Variants in KLHL18 observed in about 807,000 individuals in gnomAD.
KLHL18 encodes kelch-like protein 18.
In KLHL18, 38 loss-of-function variants were observed where a neutral mutation model predicts 58.5. That is an observed-to-expected ratio of 0.65 (90% CI 0.50 to 0.85). KLHL18 has a LOEUF of 0.85. KLHL18 is among the 40% of genes least tolerant of loss of function. The pLI, the probability that KLHL18 is intolerant of heterozygous loss-of-function variation, is 0.00. For missense variants in KLHL18, 624 were observed against 778.4 expected (o/e 0.80, Z 2.36); for synonymous variants, 303 against 301.9 (o/e 1.00, Z -0.04).
At chr3:47,293,023 C>T (rs1702823279) in intron 1 of KLHL18, among the ~76,000 whole-genome samples, 1 of 151,856 alleles carries the variant, frequency 6.6e-6, no homozygotes, top group South Asian at 2.1e-4. Context: ...TGAAATAAGC[C>T]AGTTACAAAA....
Position 47,342,816 on chromosome 3 carries a change from C to T in KLHL18, c.1324C>T (p.Gln442Ter). Residue 442 changes from glutamine (Q) to a stop codon, truncating the protein, a stop_gained, in exon 9 of 10, where the codon CAG (glutamine) becomes TAG (stop). Transcript: ENST00000232766. LOFTEE classifies it high-confidence loss of function. The part of the protein sequence containing the change: ...IYVSGGHDGL[Q>*]IFSSVEHYNH... ...TGTGTCAGGCGGCCATGATGGTTTG[C>T]AGATCTTCAGCAGTGTGAGTCTGGG... 1.2e-6 allele frequency: 2 copies of T among 1,613,488 alleles called. No individual in the cohort carries two copies. The highest frequency in any genetic ancestry group is 1.7e-6 in the Non-Finnish European group (2 of 1,179,410).
At chr3:47,321,454 A>G (rs886340897) in intron 2 of KLHL18, among the ~76,000 whole-genome samples, 1 of 151,722 alleles carries the variant, frequency 6.6e-6, no homozygotes, top group African/African-American at 2.4e-5. Flanking sequence ...GATTCAAGCG[A>G]TTCTTCTCCC....
Position 47,344,742 on chromosome 3 carries a change from G to A in KLHL18, c.*801G>A, listed in dbSNP as rs1438007686. 6.6e-6 allele frequency: 1 copy of A among 152,648 alleles called. No individual in the cohort carries two copies. The highest frequency in any genetic ancestry group is 2.4e-5 in the African/African-American group (1 of 41,454). The allele number at this position is 152,648 out of a possible 1,614,324, so 9.5% of individuals were successfully genotyped here. ...CTAACGGCAAATCTATGTTTAAATG[G>A]AAAATCGTCTAACTGGAGAAGGGCG... On this transcript the variant is annotated 3_prime_UTR_variant, in exon 10 of 10. Coordinates refer to ENST00000232766, the MANE Select transcript of KLHL18 (RefSeq NM_025010.5).
chr3:47,297,656 A>G (rs1208864669), intron 1 of KLHL18: 7 of 454,870 alleles, frequency 1.5e-5, no homozygotes, highest in African/African-American at 1.2e-4. Context: ...CAGAAGGTCA[A>G]CAGTTAAAAA....
rs767283967 is a variant in KLHL18 at position 47,329,974 on chromosome 3, G to A, written c.425G>A (p.Gly142Asp). ...AGGCTTCACCCAAAAAACTGCCTGG[G>A]TGTGCGCCAGTTTGCTGAGACAATG... ...RERLHPKNCL[G>D]VRQFAETMMC... The change falls in exon 4 of 10, where the codon GGT becomes GAT. Residue 142 changes from glycine to aspartate, a missense_variant. Transcript: ENST00000232766. The A allele has an allele frequency of 1.2e-6, 2 of 1,614,024 alleles. No individual in the cohort carries two copies. Among genetic ancestry groups the A allele is most frequent in the South Asian group, 1.1e-5 (1 of 91,076 alleles).
chr3:47,305,614 C>T (rs993536302), intron 1 of KLHL18, among the ~76,000 whole-genome samples: 1 of 151,922 alleles, frequency 6.6e-6, no homozygotes, highest in African/African-American at 2.4e-5. Flanking sequence ...TAGGGTAATA[C>T]TGCATAAAAT....
At chr3:47,316,356 C>G (rs771814285) in intron 1 of KLHL18, among the ~76,000 whole-genome samples, 1 of 151,460 alleles carries the variant, frequency 6.6e-6, no homozygotes, top group East Asian at 1.9e-4. Flanking sequence ...GGTGTGGTGA[C>G]TCACGCCTGT....
chr3:47,329,086 G>C (rs1289953120), intron 3 of KLHL18, among the ~76,000 whole-genome samples: 3 of 151,488 alleles, frequency 2.0e-5, no homozygotes, highest in Non-Finnish European at 4.4e-5. Context: ...CCGTGTTCAC[G>C]CTACTGCACT....
intron 2 of KLHL18, 123 bp from the exon 3 acceptor site, chr3:47,322,445 A>C: frequency 1.2e-6 from 1 of 817,976 alleles, no homozygotes; most frequent in Admixed American, 3.6e-5. Flanking sequence ...TGAAGTAGTT[A>C]CTCCATTAGA....
intron 3 of KLHL18, among the ~76,000 whole-genome samples, chr3:47,328,754 T>C (rs1043559329): frequency 4.6e-5 from 7 of 152,114 alleles, no homozygotes; most frequent in African/African-American, 1.7e-4. Context: ...GGAGAATGTG[T>C]ATAAAAGGCC....
rs1357262775 is a variant in KLHL18 at position 47,336,742 on chromosome 3, T to C, written c.1106T>C (p.Met369Thr). 6.2e-7 allele frequency: 1 copy of C among 1,613,976 alleles called. No individual in the cohort carries two copies. The highest frequency in any genetic ancestry group is 1.1e-5 in the South Asian group (1 of 91,078). The change falls in exon 7 of 10, where the codon ATG (methionine) becomes ACG (threonine). Residue 369 changes from methionine to threonine, a missense_variant. Physicochemically the swap from Met to Thr is moderately conservative, Grantham distance 81. Transcript: ENST00000232766. ...GACACATGGACCAGAGTGGGGAGCA[T>C]GAATAGCAAGAGAAGGTATTCTGGA... ...ETDTWTRVGS[M>T]NSKRSAMGTV...
At chr3:47,294,906 TG>T (rs1350875748) in intron 1 of KLHL18, among the ~76,000 whole-genome samples, 1 of 152,068 alleles carries the variant, frequency 6.6e-6, no homozygotes, top group African/African-American at 2.4e-5. Flanking sequence ...AATTCTGACT[TG>T]TTCTTGAAGG....
intron 1 of KLHL18, among the ~76,000 whole-genome samples, chr3:47,287,015 C>T (rs1486645286): frequency 6.6e-6 from 1 of 152,222 alleles, no homozygotes; most frequent in African/African-American, 2.4e-5. Context: ...CTTCTTCTTG[C>T]TCACAACTTC....
At chr3:47,288,431 G>A (rs532799522) in intron 1 of KLHL18, among the ~76,000 whole-genome samples, 2 of 152,114 alleles carry the variant, frequency 1.3e-5, no homozygotes, top group South Asian at 2.1e-4. Flanking sequence ...TGTCACTGAC[G>A]GTAAATGAAC....
intron 2 of KLHL18, among the ~76,000 whole-genome samples, chr3:47,320,273 G>A (rs901920230): frequency 6.6e-6 from 1 of 152,146 alleles, no homozygotes; most frequent in Non-Finnish European, 1.5e-5. Flanking sequence ...TGGCTATTGA[G>A]CACTCGAAAT....
chr3:47,303,017 A>G (rs902406417), intron 1 of KLHL18, among the ~76,000 whole-genome samples: 1 of 152,160 alleles, frequency 6.6e-6, no homozygotes, highest in African/African-American at 2.4e-5. Context: ...TAATTTCTCA[A>G]AGATCTATAT....
At chr3:47,295,647 A>G (rs1473438432) in intron 1 of KLHL18, among the ~76,000 whole-genome samples, 1 of 150,996 alleles carries the variant, frequency 6.6e-6, no homozygotes, top group Admixed American at 6.6e-5. Context: ...AGTTCATTGT[A>G]ACCTCGAATT....
chr3:47,336,284 A>G (rs1703983086), intron 6 of KLHL18, among the ~76,000 whole-genome samples: 1 of 152,166 alleles, frequency 6.6e-6, no homozygotes, highest in African/African-American at 2.4e-5. Context: ...AAGCAGGTGG[A>G]GTACCTGATT....
intron 1 of KLHL18, among the ~76,000 whole-genome samples, chr3:47,315,184 A>G (rs1703390983): frequency 6.6e-6 from 1 of 152,216 alleles, no homozygotes; most frequent in Admixed American, 6.5e-5. Flanking sequence ...AGGAACTGAA[A>G]GTGCCTCCCG....
Sources: allele counts gnomAD v4.1 joint callset (sites outside exome capture counted in the v4.1 genomes callset), GRCh38; gene constraint gnomAD v4.1.1; transcripts MANE v1.5; gene names NCBI Gene and HGNC (gene_info 2026-07-23, HGNC 2026-07-21).